Variants in GDAP1 observed in about 807,000 individuals in gnomAD.
The protein encoded by GDAP1 is ganglioside induced differentiation associated protein 1.
GDAP1 carries 34 observed loss-of-function variants against 40.1 expected under a neutral mutation model. That is an observed-to-expected ratio of 0.85 (90% confidence interval 0.64 to 1.13). The LOEUF (loss-of-function observed/expected upper bound fraction) is 1.13, where lower values mean the gene tolerates loss of function less well. GDAP1 is among the 50% of genes most tolerant of loss of function. The probability of loss-of-function intolerance (pLI) is 0.00; values close to 1 mark genes in which losing one functional copy is unlikely to be tolerated. For missense variants in GDAP1, 374 were observed against 433.7 expected, an observed-to-expected ratio of 0.86 and a Z score of 1.22; for synonymous variants, 170 against 157.4, an observed-to-expected ratio of 1.08 and a Z score of -0.60.
chr8:74,469,668 C>CAAA (rs753792948), intron 2 of GDAP1, among the ~76,000 whole-genome samples: 1 of 105,212 alleles, frequency 9.5e-6, no homozygotes. Flanking sequence ...GACTCCGTCT[C>CAAA]AAAAAAAAAA....
intron 2 of GDAP1, among the ~76,000 whole-genome samples, chr8:74,463,041 T>C (rs1342455321): frequency 7.2e-6 from 1 of 138,450 alleles, no homozygotes; most frequent in Non-Finnish European, 1.5e-5. Flanking sequence ...GTGGATGACA[T>C]TGCAAGTGAT....
chr8:74,401,626 G>A (rs553242520), intron 2 of GDAP1, among the ~76,000 whole-genome samples: 1 of 149,702 alleles, frequency 6.7e-6, no homozygotes, highest in South Asian at 2.1e-4. Context: ...GAGGAGAGGC[G>A]CTCTGCTTTT....
chr8:74,402,144 C>T (rs1810354282), intron 2 of GDAP1, among the ~76,000 whole-genome samples: 1 of 150,350 alleles, frequency 6.7e-6, no homozygotes, highest in Non-Finnish European at 1.5e-5. Flanking sequence ...TTGTCTGTGC[C>T]CTGCCCCCAG....
At chr8:74,473,165 G>T (rs1009243019) in intron 2 of GDAP1, among the ~76,000 whole-genome samples, 14 of 150,412 alleles carry the variant, frequency 9.3e-5, no homozygotes, top group Admixed American at 8.6e-4. Context: ...ATCTAAATTT[G>T]TGTAAGTTCT....
chr8:74,464,776 T>C (rs1806447414), intron 2 of GDAP1, among the ~76,000 whole-genome samples: 1 of 152,168 alleles, frequency 6.6e-6, no homozygotes, highest in Non-Finnish European at 1.5e-5. Context: ...TCATGCCATA[T>C]TTAGGGAAAG....
chr8:74,428,904 C>A (rs897202285), intron 2 of GDAP1, among the ~76,000 whole-genome samples: 1 of 145,364 alleles, frequency 6.9e-6, no homozygotes, highest in Non-Finnish European at 1.5e-5. Flanking sequence ...GTGATGTTCC[C>A]CTTCCTGTGT....
rs149334803 is a variant in GDAP1 at position 74,358,167 on chromosome 8, A to G, written c.311-1970A>G. Among the ~76,000 whole-genome samples the G allele has an allele frequency of 8.3e-3, 1,258 of 152,342 alleles. 8 individuals are homozygous for G. Among genetic ancestry groups the G allele is most frequent in the South Asian group, 0.013 (63 of 4,828 alleles). The stretch of plus-strand genomic sequence containing the variant: ...CACTGAGTAGAAGAAAATTATTTTC[A>G]TGGATTTAAACATTTGTCCTCCTTG... On this transcript the variant is annotated intron_variant, in intron 2 of 5. Transcript: ENST00000220822.
chr8:74,361,411 T>C (rs374360208), intron 3 of GDAP1, among the ~76,000 whole-genome samples: 1 of 151,972 alleles, frequency 6.6e-6, no homozygotes, highest in Non-Finnish European at 1.5e-5. Flanking sequence ...TTTTCTTTTT[T>C]TTTTTGGATG....
At position 74,402,599 on chromosome 8, in the gene GDAP1, A is replaced by G. The variant is rs1330584041; in HGVS notation, c.165+51278A>G. 4.0e-5 allele frequency among the ~76,000 whole-genome samples: 6 copies of G among 150,222 alleles called. No individual in the cohort carries two copies. In the East Asian group the frequency reaches 1.2e-3, roughly 29 times the overall value. On this transcript the variant is annotated intron_variant, in intron 2 of 2. Coordinates refer to the GDAP1 transcript ENST00000523640. The stretch of plus-strand genomic sequence containing the variant: ...ACTTCTGGCACTCCCTAGTGAGATG[A>G]ACCTGGTACCTGAGATGGAAATGCA...
intron 2 of GDAP1, among the ~76,000 whole-genome samples, chr8:74,400,566 C>G (rs554074744): frequency 4.7e-5 from 7 of 149,848 alleles, no homozygotes; most frequent in Non-Finnish European, 1.0e-4. Flanking sequence ...AAAGCTAATA[C>G]TGTTATGTGT....
At chr8:74,385,641 G>T (rs1014867502) in intron 2 of GDAP1, among the ~76,000 whole-genome samples, 1 of 152,072 alleles carries the variant, frequency 6.6e-6, no homozygotes, top group African/African-American at 2.4e-5. Context: ...ATAAACATAC[G>T]TGTGCATGTG....
intron 2 of GDAP1, among the ~76,000 whole-genome samples, chr8:74,452,364 G>T (rs1806301851): frequency 1.2e-5 from 1 of 82,494 alleles, no homozygotes; most frequent in Non-Finnish European, 2.4e-5. Flanking sequence ...TTGTTTTTTT[G>T]GTCCATGTTT....
At chr8:74,383,820 C>A (rs1003608500) in intron 2 of GDAP1, among the ~76,000 whole-genome samples, 3 of 152,100 alleles carry the variant, frequency 2.0e-5, no homozygotes, top group Non-Finnish European at 4.4e-5. Flanking sequence ...GCCTTCCAAT[C>A]AAAATCTATG....
At chr8:74,354,731 A>G (rs1487937854) in intron 2 of GDAP1, among the ~76,000 whole-genome samples, 1 of 152,200 alleles carries the variant, frequency 6.6e-6, no homozygotes, top group East Asian at 1.9e-4. Context: ...AAAACTGTAA[A>G]TTTTGTTGAG....
At chr8:74,354,149 C>T (rs558577433) in intron 2 of GDAP1, among the ~76,000 whole-genome samples, 4 of 152,130 alleles carry the variant, frequency 2.6e-5, no homozygotes, top group Non-Finnish European at 5.9e-5. Flanking sequence ...ATTTCTCATA[C>T]CAGATTACCT....
At chr8:74,375,048 C>T (rs1169414534) in intron 2 of GDAP1, among the ~76,000 whole-genome samples, 2 of 146,984 alleles carry the variant, frequency 1.4e-5, no homozygotes, top group African/African-American at 5.1e-5. Flanking sequence ...AAATATTGGG[C>T]CAGGTGTGGA....
intron 2 of GDAP1, among the ~76,000 whole-genome samples, chr8:74,459,806 T>G (rs1030191787): frequency 1.3e-5 from 2 of 152,216 alleles, no homozygotes; most frequent in Middle Eastern, 3.2e-3. Context: ...ATATGAATAA[T>G]TCTGAAAATG....
At chr8:74,436,016 C>T (rs1806084153) in intron 2 of GDAP1, among the ~76,000 whole-genome samples, 1 of 152,102 alleles carries the variant, frequency 6.6e-6, no homozygotes, top group African/African-American at 2.4e-5. Flanking sequence ...GTGCTGATTC[C>T]AGGGTGAAAA....
At chr8:74,480,934 A>G (rs1806703543) in intron 2 of GDAP1, among the ~76,000 whole-genome samples, 1 of 152,234 alleles carries the variant, frequency 6.6e-6, no homozygotes, top group Non-Finnish European at 1.5e-5. Flanking sequence ...CTAAGACTGT[A>G]TCCTGATTGC....
Sources: allele counts gnomAD v4.1 joint callset (sites outside exome capture counted in the v4.1 genomes callset), GRCh38; gene constraint gnomAD v4.1.1; transcripts MANE v1.5; gene names NCBI Gene and HGNC (gene_info 2026-07-23, HGNC 2026-07-21).